SKAP1: variants seen among roughly 807,000 people sequenced by gnomAD.
The protein encoded by SKAP1 is src kinase-associated phosphoprotein 1.
A neutral mutation model predicts 58.5 loss-of-function variants in SKAP1; 44 were observed. The observed-to-expected ratio is 0.75, with a 90% CI of 0.59 to 0.97. The LOEUF is 0.97. Among genes scored for constraint, SKAP1 ranks in the 50% least tolerant of loss-of-function variants. SKAP1 has a pLI of 0.00. For missense variants in SKAP1, 390 were observed against 435.2 expected (o/e 0.90, Z 0.92); for synonymous variants, 127 against 149.7 (o/e 0.85, Z 1.11).
chr17:48,389,992 G>A (rs1239011643), intron 2 of SKAP1, among the ~76,000 whole-genome samples: 2 of 152,110 alleles, frequency 1.3e-5, no homozygotes, highest in Non-Finnish European at 2.9e-5. Context: ...TTTTGGGTAA[G>A]CAACCTAAAA....
At chr17:48,289,593 A>G (rs1033487157) in intron 4 of SKAP1, among the ~76,000 whole-genome samples, 2 of 152,160 alleles carry the variant, frequency 1.3e-5, no homozygotes, top group African/African-American at 4.8e-5. Context: ...TAGCTTTCAT[A>G]AAATAATACT....
chr17:48,342,271 T>C (rs943796476), intron 4 of SKAP1, among the ~76,000 whole-genome samples: 1 of 152,166 alleles, frequency 6.6e-6, no homozygotes, highest in Non-Finnish European at 1.5e-5. Context: ...CTCTTGTGGG[T>C]GTCTCTCTCT....
intron 4 of SKAP1, among the ~76,000 whole-genome samples, chr17:48,297,285 C>A (rs1053789660): frequency 6.6e-6 from 1 of 152,108 alleles, no homozygotes; most frequent in Non-Finnish European, 1.5e-5. Context: ...AAACTAAGTA[C>A]ATATAAATAA....
At chr17:48,428,288 G>A (rs765622534) in intron 1 of SKAP1, among the ~76,000 whole-genome samples, 17 of 152,152 alleles carry the variant, frequency 1.1e-4, no homozygotes, top group Middle Eastern at 3.2e-3. Context: ...CACCAACAGA[G>A]ATTGTTAAGA....
chr17:48,337,943 C>T (rs1227085583), intron 4 of SKAP1, among the ~76,000 whole-genome samples: 2 of 152,108 alleles, frequency 1.3e-5, no homozygotes, highest in African/African-American at 4.8e-5. Flanking sequence ...GATACTGGTT[C>T]TATCACTTGC....
At chr17:48,292,374 T>C (rs1372569335) in intron 4 of SKAP1, among the ~76,000 whole-genome samples, 3 of 152,146 alleles carry the variant, frequency 2.0e-5, no homozygotes, top group Non-Finnish European at 4.4e-5. Context: ...CATCGCTTTT[T>C]TTCTGGCTGA....
intron 11 of SKAP1, among the ~76,000 whole-genome samples, chr17:48,138,211 T>C (rs1247951544): frequency 6.8e-6 from 1 of 147,396 alleles, no homozygotes; most frequent in African/African-American, 2.5e-5. Context: ...GGCTATTTCT[T>C]TTTTTTTTTT....
chr17:48,376,675 T>C (rs528736921), intron 2 of SKAP1, among the ~76,000 whole-genome samples: 1 of 152,314 alleles, frequency 6.6e-6, no homozygotes, highest in Admixed American at 6.5e-5. Context: ...CTGCATTTGT[T>C]CTCTCAGTAG....
At chr17:48,145,297 G>A (rs7223389) in intron 11 of SKAP1, among the ~76,000 whole-genome samples, 4,117 of 152,096 alleles carry the variant, frequency 0.027, 173 homozygotes, top group African/African-American at 0.092. Flanking sequence ...CTATTGGTCT[G>A]GATGAATGAA....
intron 4 of SKAP1, among the ~76,000 whole-genome samples, chr17:48,224,892 T>C (rs1046975860): frequency 7.2e-5 from 11 of 152,182 alleles, no homozygotes; most frequent in African/African-American, 2.7e-4. Flanking sequence ...GTTTGTATGA[T>C]AGAATTAAAC....
intron 4 of SKAP1, among the ~76,000 whole-genome samples, chr17:48,277,393 T>C (rs1027464210): frequency 6.6e-5 from 10 of 152,216 alleles, no homozygotes; most frequent in Admixed American, 3.9e-4. Context: ...GTCTAATTTA[T>C]CTATACTGAA....
At chr17:48,233,783 GA>G (rs2065150824) in intron 4 of SKAP1, among the ~76,000 whole-genome samples, 1 of 152,114 alleles carries the variant, frequency 6.6e-6, no homozygotes, top group African/African-American at 2.4e-5. Flanking sequence ...TTGAACCCAG[GA>G]GGCAGAGGTT....
At chr17:48,224,035 A>AGAG (rs1406032187) in intron 4 of SKAP1, among the ~76,000 whole-genome samples, 179 of 65,164 alleles carry the variant, frequency 2.7e-3, no homozygotes, top group Middle Eastern at 7.6e-3. Flanking sequence ...AGAGAGAGAG[A>AGAG]AGAAGGAGGA....
At chr17:48,280,911 C>T (rs2065758483) in intron 4 of SKAP1, among the ~76,000 whole-genome samples, 1 of 152,196 alleles carries the variant, frequency 6.6e-6, no homozygotes, top group Non-Finnish European at 1.5e-5. Context: ...TTGATGGATA[C>T]TTGGGTTCTT....
At chr17:48,331,086 G>A (rs1345966713) in intron 4 of SKAP1, among the ~76,000 whole-genome samples, 1 of 152,156 alleles carries the variant, frequency 6.6e-6, no homozygotes, top group Non-Finnish European at 1.5e-5. Flanking sequence ...AGCAGTGGGT[G>A]AAGAACATGT....
intron 4 of SKAP1, among the ~76,000 whole-genome samples, chr17:48,278,398 T>C (rs2065725795): frequency 6.6e-6 from 1 of 152,222 alleles, no homozygotes; most frequent in Admixed American, 6.5e-5. Flanking sequence ...TACATGTATA[T>C]AATAGAATAT....
chr17:48,361,071 G>GTACTATACTATACTATACTATACTA (rs67180445), intron 3 of SKAP1, among the ~76,000 whole-genome samples: 22 of 145,480 alleles, frequency 1.5e-4, no homozygotes, highest in East Asian at 8.1e-4. Context: ...AACTTGTACT[G>GTACTATACTATACTATACTATACTA]TACTATACTA....
chr17:48,325,498 A>C (rs2144242573), intron 4 of SKAP1, among the ~76,000 whole-genome samples: 1 of 152,258 alleles, frequency 6.6e-6, no homozygotes, highest in East Asian at 1.9e-4. Context: ...TCACTGCTGT[A>C]GTCCCAGTGC....
At chr17:48,277,377 C>A (rs113055506) in intron 4 of SKAP1, among the ~76,000 whole-genome samples, 2 of 152,104 alleles carry the variant, frequency 1.3e-5, no homozygotes, top group African/African-American at 4.8e-5. Context: ...CTGTCATTTG[C>A]GGATAGTCTA....
Sources: allele counts gnomAD v4.1 joint callset (sites outside exome capture counted in the v4.1 genomes callset), GRCh38; gene constraint gnomAD v4.1.1; transcripts MANE v1.5; gene names NCBI Gene and HGNC (gene_info 2026-07-23, HGNC 2026-07-21).